Variants in AP1AR observed in about 807,000 individuals in gnomAD.
AP1AR encodes adaptor related protein complex 1 associated regulatory protein, also known as AP-1 complex-associated regulatory protein.
AP1AR carries 29 observed loss-of-function variants against 46.3 expected under a neutral mutation model. The observed-to-expected ratio is 0.63, with a 90% CI of 0.47 to 0.85. The LOEUF (loss-of-function observed/expected upper bound fraction) is 0.85. AP1AR is among the 40% of genes least tolerant of loss of function. The pLI, the probability that AP1AR is intolerant of heterozygous loss-of-function variation, is 0.00. For synonymous variants in AP1AR, 122 were observed against 122.9 expected, an observed-to-expected ratio of 0.99 and a Z score of 0.05; for missense variants, 357 against 356.3, an observed-to-expected ratio of 1.00 and a Z score of -0.02.
rs1726791137 is a variant in AP1AR, at chr4:112,268,257, G to A, written c.757G>A (p.Asp253Asn). Reference protein sequence around the residue: ...KTGSNPTSASDDSNGLEWEND... With the variant: ...KTGSNPTSASNDSNGLEWEND... ...TGGAAGTAATCCTACATCAGCCTCT[G>A]ATGATTCCAATGGGCTGGAGTGGGA... Residue 253 changes from aspartate to asparagine, a missense_variant, in exon 10 of 10, where the codon GAT becomes AAT. By Grantham distance (23) the Asp-to-Asn change is conservative. This residue lies in a region of AP1AR where 88 missense variants were observed against 132.7 expected (regional missense o/e 0.66). Transcript: ENST00000274000. 6.2e-7 allele frequency: 1 copy of A among 1,613,240 alleles called. No homozygotes were observed. Among genetic ancestry groups the A allele is most frequent in the South Asian group, 1.1e-5 (1 of 91,020 alleles).
chr4:112,239,531 G>A (rs904967508), intron 1 of AP1AR, among the ~76,000 whole-genome samples: 7 of 152,140 alleles, frequency 4.6e-5, no homozygotes, highest in Non-Finnish European at 1.0e-4. Context: ...TGCTAACCTA[G>A]GGGTTGTCTT....
intron 1 of AP1AR, among the ~76,000 whole-genome samples, chr4:112,247,587 A>G (rs1725778360): frequency 6.6e-6 from 1 of 152,174 alleles, no homozygotes; most frequent in Non-Finnish European, 1.5e-5. Flanking sequence ...TTTTACACAC[A>G]TCCTTATATC....
chr4:112,270,213 CGTTTT>C lies in AP1AR; in HGVS notation c.*1812_*1816del, dbSNP rs1726894388. Among the ~76,000 whole-genome samples the C allele has an allele frequency of 6.6e-6, 1 of 151,934 alleles. No individual in the cohort carries two copies. The highest frequency in any genetic ancestry group is 1.5e-5 in the Non-Finnish European group (1 of 67,972). On this transcript the variant is annotated 3_prime_UTR_variant, in exon 10 of 10. Coordinates refer to ENST00000274000, the MANE Select transcript of AP1AR (RefSeq NM_018569.6). ...GTTTTAACTGTTAAAAAAAAGTTAA[CGTTTT>C]GTTTTGTGTTTATAAAAAGTACTAG...
Position 112,266,648 on chromosome 4 carries a change from C to T in AP1AR, c.575C>T (p.Thr192Ile), listed in dbSNP as rs775221472. The change falls in exon 9 of 10, where the codon ACC becomes ATC. Residue 192 changes from threonine to isoleucine, a missense_variant. Around this residue, in one of 2 missense-constraint regions of AP1AR, gnomAD observed 269 missense variants for 223.6 expected, o/e 1.20. Coordinates refer to ENST00000274000, the MANE Select transcript of AP1AR (RefSeq NM_018569.6). ...PNTESSCDLM[T>I]KTKSTSGNDD... Reference sequence around the variant, plus strand: ...ACAGAAAGCAGTTGTGATTTAATGACCAAAACTAAATCAACTAGTGGAAAT... The same window carrying T: ...ACAGAAAGCAGTTGTGATTTAATGATCAAAACTAAATCAACTAGTGGAAAT... 3.9e-5 allele frequency: 63 copies of T among 1,610,180 alleles called. 1 individual carries two copies. The South Asian group carries it at 6.8e-4, about 17-fold the overall frequency.
At chr4:112,249,923 A>T (rs1298913100) in intron 1 of AP1AR, among the ~76,000 whole-genome samples, 1 of 152,198 alleles carries the variant, frequency 6.6e-6, no homozygotes, top group Non-Finnish European at 1.5e-5. Context: ...TGATGCATTT[A>T]TCTATGTGTT....
rs552866524 is a variant in AP1AR, at chr4:112,264,162, A to C, written c.382-847A>C. Reference sequence around the variant, plus strand: ...TTAAGTCAGTTCTAAATAATGAACAAGTTTTTAACTTTTACCTTCTACTAA... The same window carrying C: ...TTAAGTCAGTTCTAAATAATGAACACGTTTTTAACTTTTACCTTCTACTAA... On this transcript the variant is annotated intron_variant, in intron 6 of 9. Transcript: ENST00000274000. Among the ~76,000 whole-genome samples, 8 of 152,294 alleles carry C rather than the reference A, an allele frequency of 5.3e-5. 1 individual carries two copies. The South Asian group carries it at 8.3e-4, about 16-fold the overall frequency.
At chr4:112,238,986 T>C (rs772566435) in intron 1 of AP1AR, among the ~76,000 whole-genome samples, 1 of 152,194 alleles carries the variant, frequency 6.6e-6, no homozygotes, top group Non-Finnish European at 1.5e-5. Context: ...CTAAGAACCA[T>C]ATCAAGTTCT....
At chr4:112,266,880 A>G (rs1331229070) in intron 9 of AP1AR, 164 bp downstream of exon 9, 1 of 567,540 alleles carries the variant, frequency 1.8e-6, no homozygotes, top group African/African-American at 2.0e-5. Context: ...CTCTGTTGAT[A>G]AAAATTTTTA....
rs369547092 is a variant in AP1AR at position 112,260,784 on chromosome 4, A to C, written c.204A>C (p.Glu68Asp). The change falls in exon 5 of 10, where the codon GAA becomes GAC. Residue 68 changes from glutamate to aspartate, a missense_variant. Physicochemically the swap from Glu to Asp is conservative, Grantham distance 45. Around this residue, in one of 2 missense-constraint regions of AP1AR, gnomAD observed 269 missense variants for 223.6 expected, o/e 1.20. Transcript: ENST00000274000. ...TCTCTAGGCCTCTTACTGAGGAAGA[A>C]ATTGTTGACCTAAGAGAAAGGCATT... is the stretch of plus-strand genomic sequence containing the variant. ...GSSHRPLTEE[E>D]IVDLRERHYD... 1.3e-6 allele frequency: 2 copies of C among 1,596,064 alleles called. No homozygotes were observed. Among genetic ancestry groups the C allele is most frequent in the Non-Finnish European group, 1.7e-6 (2 of 1,173,258 alleles).
chr4:112,252,223 A>G (rs1378321251), intron 1 of AP1AR, among the ~76,000 whole-genome samples: 1 of 152,238 alleles, frequency 6.6e-6, no homozygotes, highest in Non-Finnish European at 1.5e-5. Context: ...TGGGTGACAG[A>G]GTAAGACCCT....
intron 1 of AP1AR, among the ~76,000 whole-genome samples, chr4:112,248,794 T>C (rs1264503205): frequency 6.6e-6 from 1 of 152,208 alleles, no homozygotes; most frequent in African/African-American, 2.4e-5. Context: ...CTTATCTCCC[T>C]TCCTTCTTCA....
intron 1 of AP1AR, among the ~76,000 whole-genome samples, chr4:112,250,637 C>T (rs1157120368): frequency 6.6e-6 from 1 of 152,158 alleles, no homozygotes; most frequent in Non-Finnish European, 1.5e-5. Flanking sequence ...AGATAAGTCA[C>T]AGGATAAAGC....
intron 4 of AP1AR, among the ~76,000 whole-genome samples, chr4:112,259,209 GA>G (rs1360478038): frequency 6.6e-6 from 1 of 152,206 alleles, no homozygotes; most frequent in Non-Finnish European, 1.5e-5. Context: ...AGAAGCCATT[GA>G]TTACCTTTGC....
chr4:112,249,961 C>T (rs1725886077), intron 1 of AP1AR, among the ~76,000 whole-genome samples: 1 of 152,204 alleles, frequency 6.6e-6, no homozygotes, highest in African/African-American at 2.4e-5. Flanking sequence ...AAATTGTTAG[C>T]TCCAAGGTGG....
At chr4:112,248,086 A>G (rs1725797418) in intron 1 of AP1AR, among the ~76,000 whole-genome samples, 2 of 152,250 alleles carry the variant, frequency 1.3e-5, no homozygotes. Context: ...AATTACTAAA[A>G]TGCAGGAAAT....
intron 6 of AP1AR, among the ~76,000 whole-genome samples, chr4:112,263,480 C>T (rs1366845313): frequency 6.7e-6 from 1 of 148,176 alleles, no homozygotes; most frequent in East Asian, 2.0e-4. Context: ...TTTTTTTTAA[C>T]AGTTTTTTAA....
chr4:112,254,432 A>T (rs976039293), intron 2 of AP1AR, among the ~76,000 whole-genome samples: 1 of 152,342 alleles, frequency 6.6e-6, no homozygotes, highest in East Asian at 1.9e-4. Context: ...GGTAGCATGG[A>T]ATGAAATTAC....
intron 1 of AP1AR, among the ~76,000 whole-genome samples, chr4:112,234,035 A>G (rs1725139382): frequency 6.6e-6 from 1 of 151,994 alleles, no homozygotes; most frequent in Non-Finnish European, 1.5e-5. Flanking sequence ...ATTTTTTTGT[A>G]TTTTTAGTAG....
rs1725026227 is a variant in AP1AR, at chr4:112,232,088, T to G, written c.-4T>G. On this transcript the variant is annotated 5_prime_UTR_variant, in exon 1 of 10. An upstream start codon of the reference 5' UTR is lost. Coordinates refer to ENST00000274000, the MANE Select transcript of AP1AR (RefSeq NM_018569.6). ...GAGGAGCGGCGGCGCCTGGGCGGCA[T>G]GCGATGGGGAACTGCTGCTGGACGC... 4 of 1,347,744 alleles carry G rather than the reference T, an allele frequency of 3.0e-6. No individual in the cohort carries two copies. Among genetic ancestry groups the G allele is most frequent in the African/African-American group, 1.5e-5 (1 of 65,752 alleles). 83.5% of individuals were successfully genotyped at this position (1,347,744 alleles called of 1,614,324 possible).
Sources: allele counts gnomAD v4.1 joint callset (sites outside exome capture counted in the v4.1 genomes callset), GRCh38; gene constraint gnomAD v4.1.1; regional missense constraint gnomAD v4.1.1; transcripts MANE v1.5; gene names NCBI Gene and HGNC (gene_info 2026-07-23, HGNC 2026-07-21).